The following NRXN2 variants were observed in gnomAD, a reference collection of about 807,000 sequenced individuals.
NRXN2 encodes the protein neurexin-2-beta.
A neutral mutation model predicts 128.8 loss-of-function variants in NRXN2; 29 were observed. The ratio of observed to expected loss-of-function variants is 0.23; its 90% CI spans 0.17 to 0.31. The LOEUF (loss-of-function observed/expected upper bound fraction) is 0.31. NRXN2 is among the 10% of genes least tolerant of loss of function. NRXN2 has a pLI of 1.00. For missense variants in NRXN2, 1,881 were observed against 2,452.6 expected, an observed-to-expected ratio of 0.77 and a Z score of 4.92; for synonymous variants, 1,098 against 1,075.2, an observed-to-expected ratio of 1.02 and a Z score of -0.41.
In NRXN2 at chr11:64,651,904, G is replaced by A. The variant is rs2047509760; in HGVS notation, c.2536+131C>T. On this transcript the variant is annotated intron_variant, in intron 13 of 22. Transcript: ENST00000265459. The surrounding 1 kb of genome is among the most constrained non-coding windows in gnomAD (Gnocchi z 5.9). ...TGCCCATAACATTCCACCCCTGAAG[G>A]AGAAATGGCAGAGGCAGCTTGCCAG... 7.1e-7 allele frequency: 1 copy of A among 1,414,528 alleles called. No individual in the cohort carries two copies. The highest frequency in any genetic ancestry group is 1.4e-5 in the African/African-American group (1 of 71,250). 87.6% of individuals were successfully genotyped at this position (1,414,528 alleles called of 1,614,324 possible).
chr11:64,640,048 C>T (rs768385142), intron 17 of NRXN2, among the ~76,000 whole-genome samples: 35 of 152,094 alleles, frequency 2.3e-4, no homozygotes, highest in Non-Finnish European at 3.8e-4. Flanking sequence ...TCAGCTGCCC[C>T]ACCCTTCACA....
intron 17 of NRXN2, among the ~76,000 whole-genome samples, chr11:64,638,136 GCGTCCCCGCCCCCGA>G (rs1447215946): frequency 6.6e-6 from 1 of 152,162 alleles, no homozygotes; most frequent in Admixed American, 6.5e-5. Context: ...CAGGGCGCAC[GCGTCCCCGCCCCCGA>G]GGCCCGCGGC....
At chr11:64,677,199 T>A (rs2051456952) in intron 6 of NRXN2, among the ~76,000 whole-genome samples, 162 bp from the exon 7 acceptor site, 3 of 152,190 alleles carry the variant, frequency 2.0e-5, no homozygotes, top group Admixed American at 2.0e-4. Flanking sequence ...TTTGGTTGTT[T>A]GTTCCAACCC....
In NRXN2 at chr11:64,682,120, A is replaced by T. The variant is rs58812284; in HGVS notation, c.1152+3526T>A. 1.6e-3 allele frequency among the ~76,000 whole-genome samples: 247 copies of T among 150,200 alleles called. 5 individuals are homozygous for T. In the East Asian group the frequency reaches 0.044, roughly 27 times the overall value. ...TCCTTGGTGGACTCCAACCTTGGGGACTCCATTCTTGGGGATTCCATCTTT... is the reference window on the plus strand; with the variant it reads ...TCCTTGGTGGACTCCAACCTTGGGGTCTCCATTCTTGGGGATTCCATCTTT... On this transcript the variant is annotated intron_variant, in intron 6 of 22. Transcript: ENST00000265459.
chr11:64,684,036 CA>C lies in NRXN2; in HGVS notation c.1152+1609del, dbSNP rs372263697. On this transcript the variant is annotated intron_variant, in intron 6 of 22. Coordinates refer to ENST00000265459, the MANE Select transcript of NRXN2 (RefSeq NM_015080.4). ...TTGCTCTATTCACTTTTAACAGACTCATCCTGTCTCCTCAAGAGCTGAAGTC... is the reference window on the plus strand; with the variant it reads ...TTGCTCTATTCACTTTTAACAGACTCTCCTGTCTCCTCAAGAGCTGAAGTC... 2.3e-3 allele frequency among the ~76,000 whole-genome samples: 356 copies of C among 152,310 alleles called. 2 individuals carry two copies. Among genetic ancestry groups the C allele is most frequent in the African/African-American group, 8.2e-3 (342 of 41,572 alleles).
chr11:64,660,466 T>C lies in NRXN2; in HGVS notation c.2255A>G (p.Glu752Gly). 1 of 1,614,176 alleles carries C rather than the reference T, an allele frequency of 6.2e-7. No individual in the cohort carries two copies. The highest frequency in any genetic ancestry group is 8.5e-7 in the Non-Finnish European group (1 of 1,180,028). Residue 752 changes from glutamate (E) to glycine (G), a missense_variant, in exon 11 of 23, where the codon GAG becomes GGG. Physicochemically the swap from Glu to Gly is moderately conservative, Grantham distance 98 (BLOSUM62 -2). This residue lies in a region of NRXN2 where 997 missense variants were observed against 1,240.8 expected (regional missense o/e 0.80). Transcript: ENST00000265459. This position sits in a 1 kb window ranked among gnomAD's most constrained non-coding sequence, Gnocchi z 5.2. ...GAAACGCAGGGACACATCCTCTGCC[T>C]CCGTGTGCATGGCGTTAGGCAGCAT... ...KIMLPNAMHT[E>G]AEDVSLRFMS... is the part of the protein sequence containing the mutation.
Position 64,713,131 on chromosome 11 carries a change from GC to G in NRXN2, c.568del (p.Ala190ArgfsTer65). The part of the protein sequence containing the change: ...ANLKLGERPP[A>X]LLGSQGLRGA... ...GCGCAGGCCCTGGCTGCCCAGCAGCGCGGGGGGCCGCTCGCCCAGCTTCAGG... is the reference window on the plus strand; with the variant it reads ...GCGCAGGCCCTGGCTGCCCAGCAGCGGGGGGGCCGCTCGCCCAGCTTCAGG... On this transcript the variant is annotated frameshift_variant, in exon 2 of 23. Transcript: ENST00000265459. LOFTEE classifies it high-confidence loss of function. 1 of 1,433,632 alleles carries G rather than the reference GC, an allele frequency of 7.0e-7. No homozygotes were observed. The allele number at this position is 1,433,632 out of a possible 1,614,324, so 88.8% of individuals were successfully genotyped here.
chr11:64,677,707 AAG>A (rs568540946), intron 6 of NRXN2, among the ~76,000 whole-genome samples: 55 of 152,260 alleles, frequency 3.6e-4, no homozygotes, highest in Non-Finnish European at 7.2e-4. Context: ...GAGGGGAAGG[AAG>A]GGAGGGAACA....
At position 64,713,407 on chromosome 11, in the gene NRXN2, G is replaced by T; in HGVS notation, c.293C>A (p.Pro98Gln). Reference sequence around the variant, plus strand: ...CGGCGTGTCCAGCTGCAGCGTGGCCGGCTCGGCGCACGAAAGCGTGAAGCG... The same window carrying T: ...CGGCGTGTCCAGCTGCAGCGTGGCCTGCTCGGCGCACGAAAGCGTGAAGCG... ...RLRFTLSCAE[P>Q]ATLQLDTPVA... Residue 98 changes from proline (P) to glutamine (Q), a missense_variant, in exon 2 of 23, where the codon CCG (proline) becomes CAG (glutamine). Around this residue, in one of 7 missense-constraint regions of NRXN2, gnomAD observed 997 missense variants for 1,240.8 expected, o/e 0.80. Transcript: ENST00000265459. The T allele has an allele frequency of 1.3e-6, 2 of 1,488,214 alleles. No individual in the cohort carries two copies. The highest frequency in any genetic ancestry group is 1.8e-6 in the Non-Finnish European group (2 of 1,124,526). 92.2% of individuals were successfully genotyped at this position (1,488,214 alleles called of 1,614,324 possible).
rs1407309696 is a variant in NRXN2, at chr11:64,653,737, G to A, written c.2390-15C>T. The A allele has an allele frequency of 1.3e-6, 2 of 1,585,048 alleles. No homozygotes were observed. The highest frequency in any genetic ancestry group is 8.6e-7 in the Non-Finnish European group (1 of 1,165,824). ...GCGCAGGCAGTCTGGGGGGGCCATG[G>A]GGCGGGCAGAGGGGAAGGGGAGACA... On this transcript the variant is annotated splice_polypyrimidine_tract_variant and intron_variant, in intron 11 of 22. Transcript: ENST00000265459.
Position 64,608,035 on chromosome 11 carries a change from G to A in NRXN2, c.4300C>T (p.Pro1434Ser). ...PIITEDSLDPPPVATRSPFVP... is the reference protein window; with the variant it reads ...PIITEDSLDPSPVATRSPFVP... ...AAGGGGGATCGGGTGGCCACGGGAG[G>A]GGGGTCTAAGGAGTCCTCCGTGATA... is the stretch of plus-strand genomic sequence containing the variant. The change falls in exon 23 of 23, where the codon CCT becomes TCT. Residue 1434 changes from proline to serine, a missense_variant. Transcript: ENST00000265459. The A allele has an allele frequency of 6.4e-7, 1 of 1,573,638 alleles. No individual in the cohort carries two copies. Among genetic ancestry groups the A allele is most frequent in the Non-Finnish European group, 8.6e-7 (1 of 1,166,396 alleles).
chr11:64,622,908 C>G lies in NRXN2; in HGVS notation c.4018G>C (p.Val1340Leu), dbSNP rs554720546. Residue 1340 changes from valine (V) to leucine (L), a missense_variant, in exon 21 of 23, where the codon GTG becomes CTG. Val to Leu is a conservative substitution (Grantham distance 32). Coordinates refer to ENST00000265459, the MANE Select transcript of NRXN2 (RefSeq NM_015080.4). The surrounding 1 kb of genome is among the most constrained non-coding windows in gnomAD (Gnocchi z 4.3). The part of the protein sequence containing the change: ...NVRTEGHLRL[V>L]GEGPSVLLSA... ...AGCAGCACGGACGGCCCCTCCCCCA[C>G]CAGGCGCAGGTGACCCTCAGTCCGC... The G allele has an allele frequency of 1.1e-5, 18 of 1,613,240 alleles. No individual in the cohort carries two copies. In the South Asian group the frequency reaches 2.0e-4, roughly 18 times the overall value.
rs2042666749 is a variant in NRXN2, at chr11:64,623,512, G to A, written c.3848-434C>T. The A allele has an allele frequency of 8.7e-6, 2 of 228,990 alleles. No individual in the cohort carries two copies. Among genetic ancestry groups the A allele is most frequent in the South Asian group, 1.3e-4 (2 of 15,176 alleles). The allele number at this position is 228,990 out of a possible 1,614,324, so 14.2% of individuals were successfully genotyped here. A position where few individuals can be genotyped will look rare whatever the true frequency, so the allele number is the denominator to read the frequency against. On this transcript the variant is annotated intron_variant, in intron 20 of 22. Transcript: ENST00000265459. This position sits in a 1 kb window ranked among gnomAD's most constrained non-coding sequence, Gnocchi z 4.9. ...TCCAGCCCCAAGCCCTGAAGCCATG[G>A]AGCCCCTGGAAGAGGCAGATAGAGG...
intron 17 of NRXN2, chr11:64,642,975 C>T (rs1318382622): frequency 9.9e-7 from 1 of 1,015,132 alleles, no homozygotes; most frequent in African/African-American, 1.7e-5. Flanking sequence ...CAACTGGATC[C>T]CGCCGGGAAA....
intron 12 of NRXN2, among the ~76,000 whole-genome samples, chr11:64,652,491 G>A (rs1421153113): frequency 1.3e-5 from 2 of 152,134 alleles, no homozygotes; most frequent in African/African-American, 4.8e-5. Context: ...CTGAGGCCCT[G>A]CACACAGACA....
At chr11:64,641,132 T>C (rs2045598432) in intron 17 of NRXN2, among the ~76,000 whole-genome samples, 1 of 151,562 alleles carries the variant, frequency 6.6e-6, no homozygotes, top group South Asian at 2.1e-4. Context: ...AGAACCCTGA[T>C]GGGAGGCGAC....
At chr11:64,647,981 C>T (rs1003452277) in intron 17 of NRXN2, among the ~76,000 whole-genome samples, 8 of 152,182 alleles carry the variant, frequency 5.3e-5, no homozygotes, top group African/African-American at 1.7e-4. Flanking sequence ...GAGAGGCCAT[C>T]TATCAGTGGG....
At chr11:64,611,899 ACC>A (rs1489196007) in intron 22 of NRXN2, among the ~76,000 whole-genome samples, 2 of 107,868 alleles carry the variant, frequency 1.9e-5, no homozygotes, top group East Asian at 5.5e-4. Flanking sequence ...CCTCACCCAC[ACC>A]CCCCCACACT....
In NRXN2 at chr11:64,632,275, G is replaced by A. The variant is rs979450806; in HGVS notation, c.3586-1702C>T. On this transcript the variant is annotated intron_variant, in intron 18 of 22. Transcript: ENST00000265459. This position sits in a 1 kb window ranked among gnomAD's most constrained non-coding sequence, Gnocchi z 4.2. ...CACATACATATATGCATGCATGCAC[G>A]CTAACACACAGATGCATGCACACAG... 1.5e-4 allele frequency among the ~76,000 whole-genome samples: 23 copies of A among 152,146 alleles called. No homozygotes were observed. The highest frequency in any genetic ancestry group is 3.9e-4 in the African/African-American group (16 of 41,432).
Sources: gnomAD v4.1 joint callset for allele counts (sites outside exome capture counted in the v4.1 genomes callset) on GRCh38, gnomAD v4.1.1 for gene constraint, gnomAD v4.1.1 regional missense constraint, Gnocchi (gnomAD v3.1) non-coding constraint, MANE v1.5 for transcripts, NCBI Gene and HGNC (gene_info 2026-07-23, HGNC 2026-07-21) for gene names.